The following PSAP variants were observed in gnomAD, a reference collection of about 807,000 sequenced individuals.
The protein encoded by PSAP is precursor of saposins.
PSAP carries 25 observed loss-of-function variants against 66.0 expected under a neutral mutation model. The observed-to-expected ratio is 0.38, with a 90% confidence interval of 0.28 to 0.53. The LOEUF (loss-of-function observed/expected upper bound fraction) is 0.53. Among genes scored for constraint, PSAP ranks in the 20% least tolerant of loss-of-function variants. The pLI, the probability that PSAP is intolerant of heterozygous loss-of-function variation, is 0.83. For synonymous variants in PSAP, 273 were observed against 258.9 expected (o/e 1.05, Z -0.52); for missense variants, 649 against 668.8 (o/e 0.97, Z 0.33).
chr10:71,846,948 G>C (rs769415302), intron 1 of PSAP, among the ~76,000 whole-genome samples: 1 of 152,042 alleles, frequency 6.6e-6, no homozygotes, highest in East Asian at 1.9e-4. Context: ...AGTGGCTTTG[G>C]TCTTGGCCTT....
chr10:71,828,303 T>A, intron 5 of PSAP, 146 bp from the exon 6 acceptor site: 1 of 841,234 alleles, frequency 1.2e-6, no homozygotes, highest in Non-Finnish European at 2.0e-6. Flanking sequence ...CTGATAGGCT[T>A]AAAATCGATT....
rs1842830456 is a variant in PSAP, at chr10:71,846,681, G to A, written c.40+4501C>T. On this transcript the variant is annotated intron_variant, in intron 1 of 13. Coordinates refer to ENST00000394936, the MANE Select transcript of PSAP (RefSeq NM_002778.4). ...CGGGAGGTGGAGGTTGCAGTGAGCTGAGATGGTGCCACTGCACTCCAGCCT... is the reference window on the plus strand; with the variant it reads ...CGGGAGGTGGAGGTTGCAGTGAGCTAAGATGGTGCCACTGCACTCCAGCCT... Among the ~76,000 whole-genome samples the A allele has an allele frequency of 2.1e-5, 3 of 144,678 alleles. No homozygotes were observed. In the Admixed American group the frequency reaches 2.1e-4, roughly 10 times the overall value. 94.9% of individuals were successfully genotyped at this position (144,678 alleles called of 152,430 possible). A position where few individuals can be genotyped will look rare whatever the true frequency, so the allele number is the denominator to read the frequency against.
At position 71,816,535 on chromosome 10, in the gene PSAP, A is replaced by G; in HGVS notation, c.*906T>C. ...GCATGCCGCCCTCTACCAGGAAGCC[A>G]GAGGCCTAGGAGCTCGCCATCCATA... On this transcript the variant is annotated 3_prime_UTR_variant, in exon 14 of 14. Transcript: ENST00000394936. 2.2e-6 allele frequency: 1 copy of G among 455,938 alleles called. No homozygotes were observed. The highest frequency in any genetic ancestry group is 1.6e-5 in the South Asian group (1 of 64,294). 28.2% of individuals were successfully genotyped at this position (455,938 alleles called of 1,614,324 possible).
At chr10:71,831,086 A>AG (rs751963129) in intron 4 of PSAP, 40 bp downstream of exon 4, 1 of 1,612,516 alleles carries the variant, frequency 6.2e-7, no homozygotes, top group South Asian at 1.1e-5. Context: ...CCTGGGCCCC[A>AG]GAAGCACCTT....
At position 71,839,672 on chromosome 10, in the gene PSAP, G is replaced by A. The variant is rs149718113; in HGVS notation, c.41-5167C>T. On this transcript the variant is annotated intron_variant, in intron 1 of 13. Transcript: ENST00000394936. ...CAAATCAAGACCAGCCTGGCAACAC[G>A]ACAAAACCCCATTTCTACAAAAAAT... is the stretch of plus-strand genomic sequence containing the variant. Among the ~76,000 whole-genome samples, 411 of 151,972 alleles carry A rather than the reference G, an allele frequency of 2.7e-3. 1 individual carries two copies. The highest frequency in any genetic ancestry group is 9.3e-3 in the African/African-American group (387 of 41,484).
At chr10:71,838,944 C>A (rs1564824492) in intron 1 of PSAP, among the ~76,000 whole-genome samples, 1 of 152,198 alleles carries the variant, frequency 6.6e-6, no homozygotes, top group Non-Finnish European at 1.5e-5. Context: ...ATAACATTTT[C>A]AGCATTTATA....
At chr10:71,818,887 G>C in intron 12 of PSAP, 144 bp downstream of exon 12, 1 of 1,015,058 alleles carries the variant, frequency 9.9e-7, no homozygotes, top group Admixed American at 2.0e-5. Flanking sequence ...GGCTTGGGGG[G>C]CTGGCTCCCT....
intron 1 of PSAP, among the ~76,000 whole-genome samples, chr10:71,845,636 T>C (rs74145690): frequency 0.028 from 4,317 of 152,246 alleles, 206 homozygotes; most frequent in African/African-American, 0.098. Flanking sequence ...TGACCTGGCT[T>C]CCCACGTCCA....
intron 7 of PSAP, among the ~76,000 whole-genome samples, chr10:71,823,481 T>A (rs1292198268): frequency 2.0e-5 from 3 of 152,210 alleles, no homozygotes; most frequent in Admixed American, 1.3e-4. Flanking sequence ...ACTTGCGTTG[T>A]GACAGACACA....
chr10:71,848,238 C>T (rs1197796642), intron 1 of PSAP, among the ~76,000 whole-genome samples: 4 of 152,236 alleles, frequency 2.6e-5, no homozygotes, highest in Non-Finnish European at 5.9e-5. Flanking sequence ...TACTGCACTG[C>T]TCCCCAACCT....
intron 1 of PSAP, among the ~76,000 whole-genome samples, chr10:71,843,767 G>A (rs1177232824): frequency 6.6e-6 from 1 of 152,186 alleles, no homozygotes; most frequent in Non-Finnish European, 1.5e-5. Flanking sequence ...TACTGGGTTG[G>A]ACCCAGGAAC....
intron 1 of PSAP, among the ~76,000 whole-genome samples, chr10:71,846,187 T>C (rs1842818849): frequency 2.0e-5 from 3 of 152,124 alleles, no homozygotes; most frequent in Non-Finnish European, 2.9e-5. Flanking sequence ...ACTTTACAAA[T>C]GATGAAATAC....
chr10:71,839,059 C>T (rs1842679324), intron 1 of PSAP, among the ~76,000 whole-genome samples: 1 of 152,174 alleles, frequency 6.6e-6, no homozygotes, highest in Non-Finnish European at 1.5e-5. Context: ...CACACCCTAC[C>T]CCCAAATACC....
At chr10:71,822,293 C>G (rs964994785) in intron 7 of PSAP, 1 of 481,426 alleles carries the variant, frequency 2.1e-6, no homozygotes, top group Admixed American at 3.3e-5. Context: ...GACTCCCCAG[C>G]ACCTTCCACA....
chr10:71,838,309 GAC>G (rs2133058434), intron 1 of PSAP, among the ~76,000 whole-genome samples: 2 of 152,354 alleles, frequency 1.3e-5, no homozygotes, highest in Admixed American at 1.3e-4. Flanking sequence ...CACCAGGAGA[GAC>G]ACGCCCATGA....
At chr10:71,845,046 A>G (rs1842795671) in intron 1 of PSAP, among the ~76,000 whole-genome samples, 1 of 152,178 alleles carries the variant, frequency 6.6e-6, no homozygotes. Flanking sequence ...TTAATCCCTT[A>G]CTGTGCCTAA....
At chr10:71,833,041 A>AAAAAAAAAAAC in intron 2 of PSAP, among the ~76,000 whole-genome samples, 1 of 148,550 alleles carries the variant, frequency 6.7e-6, no homozygotes. Context: ...ACAAAAAACA[A>AAAAAAAAAAAC]AAACAGAAGG....
rs1842549845 is a variant in PSAP at position 71,833,022 on chromosome 10, A to AAAAAAAC, written c.175-1103_175-1102insGTTTTTT. ...ACAGAGTGAGAGTCCATCTCAAAAA[A>AAAAAAAC]AAAAAAAAACAAAAAACAAAAACAG... On this transcript the variant is annotated intron_variant, in intron 2 of 13. Transcript: ENST00000394936. Among the ~76,000 whole-genome samples, 2 of 145,996 alleles carry AAAAAAAC rather than the reference A, an allele frequency of 1.4e-5. 1 individual carries two copies. The highest frequency in any genetic ancestry group is 3.9e-4 in the East Asian group (2 of 5,134).
At chr10:71,848,671 C>T (rs1006603565) in intron 1 of PSAP, among the ~76,000 whole-genome samples, 7 of 152,182 alleles carry the variant, frequency 4.6e-5, no homozygotes, top group Non-Finnish European at 1.5e-5. Context: ...GACAGTGTCA[C>T]GAAGAAAGTT....
Sources: allele counts gnomAD v4.1 joint callset (sites outside exome capture counted in the v4.1 genomes callset), GRCh38; gene constraint gnomAD v4.1.1; transcripts MANE v1.5; gene names NCBI Gene and HGNC (gene_info 2026-07-23, HGNC 2026-07-21).